CCDC91: variants seen among roughly 807,000 people sequenced by gnomAD.
CCDC91 encodes the protein coiled-coil domain containing 91.
CCDC91 carries 48 observed loss-of-function variants against 63.2 expected under a neutral mutation model. The ratio of observed to expected loss-of-function variants is 0.76; its 90% confidence interval spans 0.60 to 0.97. CCDC91 has a LOEUF of 0.97. CCDC91 is among the 50% of genes least tolerant of loss of function. CCDC91 has a pLI of 0.00. For synonymous variants in CCDC91, 167 were observed against 165.8 expected (o/e 1.01, Z -0.06); for missense variants, 500 against 494.6 (o/e 1.01, Z -0.10).
chr12:28,533,660 A>G lies in CCDC91; in HGVS notation c.1216-15403A>G, dbSNP rs191769557. 8.5e-4 allele frequency among the ~76,000 whole-genome samples: 130 copies of G among 152,170 alleles called. 1 individual carries two copies. The highest frequency in any genetic ancestry group is 3.0e-3 in the African/African-American group (126 of 41,586). On this transcript the variant is annotated intron_variant, in intron 12 of 12. Transcript: ENST00000536442. ...AATTTAAAAGTATGTAGTTCTCTTTATAAGTCAAAAATACAGAAAATATAG... is the reference window on the plus strand; with the variant it reads ...AATTTAAAAGTATGTAGTTCTCTTTGTAAGTCAAAAATACAGAAAATATAG...
chr12:28,527,806 C>T (rs773917828), intron 12 of CCDC91, among the ~76,000 whole-genome samples: 2 of 152,060 alleles, frequency 1.3e-5, no homozygotes, highest in Non-Finnish European at 2.9e-5. Flanking sequence ...GAGGTTCCCA[C>T]GTCAGTGGAA....
At chr12:28,394,190 G>T (rs574081579) in intron 8 of CCDC91, among the ~76,000 whole-genome samples, 1 of 152,166 alleles carries the variant, frequency 6.6e-6, no homozygotes, top group Non-Finnish European at 1.5e-5. Context: ...AAGATTAGTC[G>T]TTGCAGTGGC....
intron 8 of CCDC91, among the ~76,000 whole-genome samples, chr12:28,410,001 T>G (rs569653903): frequency 1.0e-3 from 156 of 152,260 alleles, no homozygotes; most frequent in African/African-American, 3.5e-3. Context: ...GGTTGTACAT[T>G]CTGGTGTTGG....
chr12:28,230,651 G>T (rs1304331796), intron 1 of CCDC91, among the ~76,000 whole-genome samples: 2 of 151,972 alleles, frequency 1.3e-5, no homozygotes, highest in African/African-American at 4.8e-5. Context: ...TGGAGACAGG[G>T]TCTGGGTCTA....
chr12:28,320,662 T>C (rs1940399823), intron 6 of CCDC91, among the ~76,000 whole-genome samples: 1 of 151,884 alleles, frequency 6.6e-6, no homozygotes, highest in African/African-American at 2.4e-5. Flanking sequence ...TGCAGGTAAG[T>C]AAGTCATAGA....
At chr12:28,361,166 AT>A (rs1241297355) in intron 6 of CCDC91, among the ~76,000 whole-genome samples, 1 of 151,004 alleles carries the variant, frequency 6.6e-6, no homozygotes, top group Non-Finnish European at 1.5e-5. Flanking sequence ...TCTTTTTTAA[AT>A]TTTTAAATTT....
chr12:28,423,221 A>C lies in CCDC91; in HGVS notation c.763-26940A>C, dbSNP rs786705. On this transcript the variant is annotated intron_variant, in intron 8 of 12. Coordinates refer to ENST00000536442, the MANE Select transcript of CCDC91 (RefSeq NM_018318.5). ...AGTACCCTAGACTACAAATAGAGAA[A>C]AATTCTTAACTTTCAAAAAGAATAT... Among the ~76,000 whole-genome samples, 1,334 of 152,222 alleles carry C rather than the reference A, an allele frequency of 8.8e-3. 18 individuals carry two copies. The highest frequency in any genetic ancestry group is 0.028 in the East Asian group (147 of 5,182).
intron 2 of CCDC91, among the ~76,000 whole-genome samples, chr12:28,259,060 C>CTT (rs1242033595): frequency 6.6e-6 from 1 of 151,654 alleles, no homozygotes; most frequent in East Asian, 1.9e-4. Flanking sequence ...AGTTAAAATA[C>CTT]TTAAATATAA....
chr12:28,317,342 G>T (rs1358241224), intron 6 of CCDC91, among the ~76,000 whole-genome samples: 1 of 151,946 alleles, frequency 6.6e-6, no homozygotes, highest in African/African-American at 2.4e-5. Flanking sequence ...CTGTTAAAGG[G>T]AATTATGTGT....
At chr12:28,309,631 T>C (rs557165993) in intron 6 of CCDC91, among the ~76,000 whole-genome samples, 1 of 152,242 alleles carries the variant, frequency 6.6e-6, no homozygotes, top group South Asian at 2.1e-4. Flanking sequence ...AAATGCTTCT[T>C]GAACCAGTCT....
rs1444373307 is a variant in CCDC91 at position 28,545,413 on chromosome 12, C to T, written c.1216-3650C>T. On this transcript the variant is annotated intron_variant, in intron 12 of 12. Coordinates refer to ENST00000536442, the MANE Select transcript of CCDC91 (RefSeq NM_018318.5). ...ATTTGTTTCAAAGAGAGGAATTCAA[C>T]ATCCTTATAAGAGAAAGGTTGTATG... Among the ~76,000 whole-genome samples the T allele has an allele frequency of 3.9e-5, 6 of 152,196 alleles. No individual in the cohort carries two copies. The East Asian group carries it at 1.2e-3, about 29-fold the overall frequency.
intron 12 of CCDC91, among the ~76,000 whole-genome samples, chr12:28,516,557 T>C (rs577299747): frequency 3.9e-5 from 6 of 151,996 alleles, no homozygotes; most frequent in African/African-American, 1.2e-4. Context: ...TGAGCCAAGA[T>C]TGTGCCACTG....
chr12:28,243,245 T>G (rs1945465660), intron 1 of CCDC91, among the ~76,000 whole-genome samples: 3 of 152,158 alleles, frequency 2.0e-5, no homozygotes, highest in Admixed American at 2.0e-4. Context: ...GTAGGTTGTA[T>G]CCAGCTGTCC....
chr12:28,232,975 A>G (rs1369485334), intron 1 of CCDC91, among the ~76,000 whole-genome samples: 1 of 132,030 alleles, frequency 7.6e-6, no homozygotes, highest in Non-Finnish European at 1.5e-5. Context: ...TCTATCTCCA[A>G]AAAAAAAAAA....
At chr12:28,531,422 A>C (rs968040333) in intron 12 of CCDC91, among the ~76,000 whole-genome samples, 8 of 152,112 alleles carry the variant, frequency 5.3e-5, no homozygotes, top group African/African-American at 1.9e-4. Flanking sequence ...GTTTTCCCCT[A>C]TTCAGGTTGA....
At chr12:28,489,652 T>A (rs1951895318) in intron 12 of CCDC91, among the ~76,000 whole-genome samples, 1 of 151,944 alleles carries the variant, frequency 6.6e-6, no homozygotes, top group Non-Finnish European at 1.5e-5. Context: ...ACCTTCACTT[T>A]AGAGTATCCT....
rs184570096 is a variant in CCDC91, at chr12:28,544,321, C to T, written c.1216-4742C>T. Among the ~76,000 whole-genome samples, 32 of 151,850 alleles carry T rather than the reference C, an allele frequency of 2.1e-4. 2 individuals are homozygous for T. The East Asian group carries it at 6.2e-3, about 30-fold the overall frequency. On this transcript the variant is annotated intron_variant, in intron 12 of 12. Transcript: ENST00000536442. ...TCCAGCTACCTTGAGAATTTCTTTCCCCATGTTTTTAGATAGCTCCCTTCT... is the reference window on the plus strand; with the variant it reads ...TCCAGCTACCTTGAGAATTTCTTTCTCCATGTTTTTAGATAGCTCCCTTCT...
At chr12:28,231,383 G>A (rs1438035692) in intron 1 of CCDC91, among the ~76,000 whole-genome samples, 1 of 152,200 alleles carries the variant, frequency 6.6e-6, no homozygotes, top group Non-Finnish European at 1.5e-5. Context: ...CTTAATTTAT[G>A]ATGGGACATC....
intron 1 of CCDC91, among the ~76,000 whole-genome samples, chr12:28,209,434 T>TTTCTTC (rs564968139): frequency 6.6e-6 from 1 of 152,086 alleles, no homozygotes; most frequent in Non-Finnish European, 1.5e-5. Flanking sequence ...TTATTTATTA[T>TTTCTTC]TTCTTCTTCT....
Sources: gnomAD v4.1 joint callset for allele counts (sites outside exome capture counted in the v4.1 genomes callset) on GRCh38, gnomAD v4.1.1 for gene constraint, MANE v1.5 for transcripts, NCBI Gene and HGNC (gene_info 2026-07-23, HGNC 2026-07-21) for gene names.